The following PECR variants were observed in gnomAD, a reference collection of about 807,000 sequenced individuals.
The protein encoded by PECR is peroxisomal trans-2-enoyl-CoA reductase, also known as 2,4-dienoyl-CoA reductase-related protein.
A neutral mutation model predicts 35.3 loss-of-function variants in PECR; 30 were observed. The ratio of observed to expected loss-of-function variants is 0.85; its 90% CI spans 0.64 to 1.15. The LOEUF (loss-of-function observed/expected upper bound fraction) is 1.15, where lower values mean the gene tolerates loss of function less well. Ranked by LOEUF, PECR falls within the 50% of genes most tolerant of loss-of-function variation. The pLI is 0.00. For missense variants in PECR, 392 were observed against 370.8 expected, an observed-to-expected ratio of 1.06 and a Z score of -0.47; for synonymous variants, 148 against 138.9, an observed-to-expected ratio of 1.07 and a Z score of -0.46.
chr2:216,047,695 A>T (rs2105947582), intron 6 of PECR, among the ~76,000 whole-genome samples: 1 of 152,364 alleles, frequency 6.6e-6, no homozygotes, highest in East Asian at 1.9e-4. Flanking sequence ...TCATGGTTTC[A>T]TTATACCATG....
In PECR at chr2:216,049,344, C is replaced by G; in HGVS notation, c.633G>C (p.Glu211Asp). 3 of 1,583,810 alleles carry G rather than the reference C, an allele frequency of 1.9e-6. No individual in the cohort carries two copies. In the African/African-American group the frequency reaches 4.0e-5, roughly 21 times the overall value. The change falls in exon 6 of 8, where the codon GAG (glutamate) becomes GAC (aspartate). Residue 211 changes from glutamate (E) to aspartate (D), a missense_variant. Coordinates refer to ENST00000265322, the MANE Select transcript of PECR (RefSeq NM_018441.6). ...PGVIYSQTAV[E>D]NYGSWGQSFF... ...AGCTTTGTCCCCAGGAACCATAGTT[C>G]TCCACAGCAGTCTGGGAATAAATAA...
chr2:216,070,531 C>T (rs968147638), intron 1 of PECR, among the ~76,000 whole-genome samples: 2 of 152,152 alleles, frequency 1.3e-5, no homozygotes, highest in African/African-American at 2.4e-5. Flanking sequence ...ACCGTCACTA[C>T]GACAGTTACT....
chr2:216,037,689 C>T (rs1000016210), downstream of PECR, among the ~76,000 whole-genome samples: 1 of 152,118 alleles, frequency 6.6e-6, no homozygotes, highest in Admixed American at 6.6e-5. Flanking sequence ...CTGGGCACCT[C>T]ATTAGCCTCT....
At chr2:216,030,950 TCTCTCTCACA>T (rs1181168917) in intron 7 of PECR, among the ~76,000 whole-genome samples, 27 of 96,188 alleles carry the variant, frequency 2.8e-4, no homozygotes, top group African/African-American at 1.2e-3. Context: ...TCTCTCTCTC[TCTCTCTCACA>T]CACACACACA....
At chr2:216,065,612 A>T (rs1695450546) in intron 2 of PECR, 135 bp from the exon 3 acceptor site, 23 of 688,566 alleles carry the variant, frequency 3.3e-5, no homozygotes, top group Non-Finnish European at 1.1e-5. Flanking sequence ...CAATGAATGA[A>T]CATGCAGCAA....
At position 216,048,584 on chromosome 2, in the gene PECR, T is replaced by C. The variant is rs142324156; in HGVS notation, c.714+679A>G. 5.7e-3 allele frequency among the ~76,000 whole-genome samples: 869 copies of C among 151,736 alleles called. 12 individuals carry two copies. The highest frequency in any genetic ancestry group is 0.02 in the African/African-American group (824 of 41,372). On this transcript the variant is annotated intron_variant, in intron 6 of 7. Coordinates refer to ENST00000265322, the MANE Select transcript of PECR (RefSeq NM_018441.6). ...AATCAGTCAGGTGTGGTGGCATACATCTGTAATTCCAGCTACTCGGGAGGC... is the reference window on the plus strand; with the variant it reads ...AATCAGTCAGGTGTGGTGGCATACACCTGTAATTCCAGCTACTCGGGAGGC...
At chr2:216,036,028 G>C (rs368955892), downstream of PECR, among the ~76,000 whole-genome samples, 5 of 152,302 alleles carry the variant, frequency 3.3e-5, no homozygotes, top group East Asian at 7.7e-4. Context: ...TGCCTGCAGG[G>C]ACTCAGACAC....
intron 4 of PECR, among the ~76,000 whole-genome samples, chr2:216,052,311 G>A (rs1245516812): frequency 6.6e-6 from 1 of 152,052 alleles, no homozygotes; most frequent in Non-Finnish European, 1.5e-5. Flanking sequence ...CAACTAATTA[G>A]GAAAACTCTT....
intron 1 of PECR, among the ~76,000 whole-genome samples, chr2:216,081,006 T>G (rs1695829606): frequency 6.6e-6 from 1 of 152,156 alleles, no homozygotes; most frequent in Admixed American, 6.5e-5. Flanking sequence ...AACAAACAAT[T>G]TATCTTATGT....
chr2:216,046,311 T>TATA (rs369480215), intron 6 of PECR, among the ~76,000 whole-genome samples: 839 of 73,244 alleles, frequency 0.011, 6 homozygotes, highest in African/African-American at 0.037. Flanking sequence ...TATATATATA[T>TATA]TTTTTTTTTT....
In PECR at chr2:216,038,617, T is replaced by G. The variant is rs1694836841; in HGVS notation, c.*658A>C. 1 of 152,192 alleles carries G rather than the reference T, an allele frequency of 6.6e-6. No homozygotes were observed. The highest frequency in any genetic ancestry group is 1.9e-4 in the East Asian group (1 of 5,188). 9.4% of individuals were successfully genotyped at this position (152,192 alleles called of 1,614,324 possible). Reference sequence around the variant, plus strand: ...GTTGTTGTTGTTTGTTTTTGTTTTTTGGGTTTTTTTTGAGATGCAGTCTCA... The same window carrying G: ...GTTGTTGTTGTTTGTTTTTGTTTTTGGGGTTTTTTTTGAGATGCAGTCTCA... On this transcript the variant is annotated 3_prime_UTR_variant, in exon 8 of 8. Coordinates refer to ENST00000265322, the MANE Select transcript of PECR (RefSeq NM_018441.6).
At chr2:216,044,200 C>A (rs2163015) in intron 6 of PECR, among the ~76,000 whole-genome samples, 185 bp from the exon 7 acceptor site, 2 of 152,168 alleles carry the variant, frequency 1.3e-5, no homozygotes, top group Admixed American at 1.3e-4. Context: ...CCCTTTCTAC[C>A]TGAGCATCAC....
chr2:216,070,014 C>A (rs577780449), intron 1 of PECR, among the ~76,000 whole-genome samples: 1 of 150,796 alleles, frequency 6.6e-6, no homozygotes, highest in African/African-American at 2.4e-5. Context: ...GGAAGCTGAT[C>A]GAAACATAGA....
chr2:216,041,058 G>A (rs926136788), intron 7 of PECR, among the ~76,000 whole-genome samples: 1 of 152,066 alleles, frequency 6.6e-6, no homozygotes, highest in Non-Finnish European at 1.5e-5. Flanking sequence ...CCTTGGAGCT[G>A]CCAATCTTAA....
chr2:216,076,037 T>C (rs1201667621), intron 1 of PECR, among the ~76,000 whole-genome samples: 1 of 152,158 alleles, frequency 6.6e-6, no homozygotes, highest in Non-Finnish European at 1.5e-5. Flanking sequence ...CTGTCAAAGG[T>C]ATAAAGGAGA....
intron 7 of PECR, among the ~76,000 whole-genome samples, chr2:216,030,275 C>T (rs1694660104): frequency 6.6e-6 from 1 of 152,178 alleles, no homozygotes; most frequent in Admixed American, 6.5e-5. Context: ...GTCCTTGGTG[C>T]TGGTCTGTCT....
intron 3 of PECR, among the ~76,000 whole-genome samples, chr2:216,063,393 G>A (rs1695397497): frequency 6.6e-6 from 1 of 152,132 alleles, no homozygotes; most frequent in African/African-American, 2.4e-5. Context: ...GCCGAGGTGG[G>A]TGGATCACAA....
intron 4 of PECR, among the ~76,000 whole-genome samples, chr2:216,053,434 G>A (rs916374618): frequency 4.0e-5 from 6 of 151,604 alleles, no homozygotes; most frequent in Admixed American, 6.6e-5. Flanking sequence ...TAGTAGAGAC[G>A]GGGGTTTCAC....
At chr2:216,042,741 A>T (rs1694908882) in intron 7 of PECR, among the ~76,000 whole-genome samples, 1 of 151,926 alleles carries the variant, frequency 6.6e-6, no homozygotes, top group Non-Finnish European at 1.5e-5. Flanking sequence ...TCAATATTTG[A>T]TTTAAACTTA....
Sources: allele counts gnomAD v4.1 joint callset (sites outside exome capture counted in the v4.1 genomes callset), GRCh38; gene constraint gnomAD v4.1.1; transcripts MANE v1.5; gene names NCBI Gene and HGNC (gene_info 2026-07-23, HGNC 2026-07-21).